The following ANO4 variants were observed in gnomAD, a reference collection of about 807,000 sequenced individuals.
The protein encoded by ANO4 is anoctamin-4.
Under a neutral mutation model 141.9 loss-of-function variants are expected in ANO4, and 69 were observed. The ratio of observed to expected loss-of-function variants is 0.49; its 90% CI spans 0.40 to 0.59. ANO4 has a LOEUF of 0.59. Ranked by LOEUF, ANO4 falls within the 20% of genes least tolerant of loss-of-function variation. The pLI, the probability that ANO4 is intolerant of heterozygous loss-of-function variation, is 0.00. For missense variants in ANO4, 894 were observed against 1,162.2 expected, an observed-to-expected ratio of 0.77 and a Z score of 3.36; for synonymous variants, 350 against 394.3, an observed-to-expected ratio of 0.89 and a Z score of 1.33.
intron 9 of ANO4, among the ~76,000 whole-genome samples, chr12:101,028,610 T>C (rs930154736): frequency 3.9e-5 from 6 of 152,102 alleles, no homozygotes; most frequent in East Asian, 1.9e-4. Context: ...AAATAAGGCA[T>C]GCAGACAAGA....
intron 1 of ANO4, among the ~76,000 whole-genome samples, chr12:100,885,712 G>C (rs1402901353): frequency 6.6e-6 from 1 of 152,168 alleles, no homozygotes; most frequent in Non-Finnish European, 1.5e-5. Context: ...GCTAACCATT[G>C]TTGCTGTGAA....
chr12:100,957,826 C>A (rs944305139), intron 5 of ANO4, among the ~76,000 whole-genome samples: 15 of 152,218 alleles, frequency 9.9e-5, no homozygotes, highest in Admixed American at 9.2e-4. Context: ...ATTACCCCAT[C>A]TCAGGTATTC....
intron 14 of ANO4, chr12:101,069,087 C>A: frequency 9.3e-7 from 1 of 1,076,464 alleles, no homozygotes; most frequent in Non-Finnish European, 1.4e-6. Context: ...CTTTCCAAAT[C>A]TGCAAAGGAA....
chr12:100,971,623 G>C (rs1010647331), intron 6 of ANO4, among the ~76,000 whole-genome samples: 2 of 152,188 alleles, frequency 1.3e-5, no homozygotes, highest in Non-Finnish European at 1.5e-5. Flanking sequence ...TTAGCAGGTA[G>C]ATATTTCCAG....
intron 8 of ANO4, among the ~76,000 whole-genome samples, chr12:101,004,454 G>T (rs1363810380): frequency 6.6e-6 from 1 of 152,152 alleles, no homozygotes. Flanking sequence ...GAGGATCATT[G>T]CTGACAGGAA....
chr12:100,944,788 ATAAT>A (rs1487749557), intron 5 of ANO4, among the ~76,000 whole-genome samples: 9 of 152,228 alleles, frequency 5.9e-5, no homozygotes, highest in Non-Finnish European at 1.3e-4. Flanking sequence ...CCTGCCATAA[ATAAT>A]TAAAAGAAAA....
chr12:101,007,714 A>G (rs1023180114), intron 8 of ANO4, among the ~76,000 whole-genome samples: 1 of 152,156 alleles, frequency 6.6e-6, no homozygotes, highest in Non-Finnish European at 1.5e-5. Flanking sequence ...CCCAGAACTC[A>G]GAGTTTTGTT....
intron 3 of ANO4, among the ~76,000 whole-genome samples, chr12:100,751,533 A>G (rs2032378306): frequency 6.6e-6 from 1 of 152,112 alleles, no homozygotes; most frequent in Non-Finnish European, 1.5e-5. Context: ...TTTTTCAGGC[A>G]AATAAGGATA....
At chr12:100,805,325 C>T (rs1007965096) in intron 1 of ANO4, among the ~76,000 whole-genome samples, 1 of 152,068 alleles carries the variant, frequency 6.6e-6, no homozygotes, top group African/African-American at 2.4e-5. Flanking sequence ...GTTTTTGTAC[C>T]AGTACCATGC....
chr12:100,973,811 C>T (rs922047952), intron 6 of ANO4, among the ~76,000 whole-genome samples: 1 of 152,186 alleles, frequency 6.6e-6, no homozygotes, highest in African/African-American at 2.4e-5. Flanking sequence ...CAGGATCATG[C>T]AGAGTAGCTG....
chr12:101,086,079 G>GGTGT (rs1491092389), intron 16 of ANO4, among the ~76,000 whole-genome samples: 5 of 72,950 alleles, frequency 6.9e-5, no homozygotes, highest in Non-Finnish European at 1.7e-4. Context: ...TGTTAACTAG[G>GGTGT]CTGTGTGTGT....
intron 1 of ANO4, among the ~76,000 whole-genome samples, chr12:100,831,276 C>G (rs928565532): frequency 9.2e-5 from 14 of 152,114 alleles, no homozygotes; most frequent in Non-Finnish European, 1.5e-4. Context: ...TATGTTGACA[C>G]TTGCGTATTG....
intron 9 of ANO4, among the ~76,000 whole-genome samples, chr12:101,027,409 G>C (rs1330505956): frequency 2.0e-5 from 3 of 152,168 alleles, no homozygotes; most frequent in African/African-American, 7.2e-5. Flanking sequence ...TGAGCTCCTT[G>C]GGGGAGGGGC....
At chr12:100,774,588 A>C (rs574748253) in intron 3 of ANO4, among the ~76,000 whole-genome samples, 1 of 152,236 alleles carries the variant, frequency 6.6e-6, no homozygotes, top group Admixed American at 6.5e-5. Context: ...TAGAGCACAC[A>C]TCATTCTTTA....
At chr12:100,904,719 A>C (rs1185122262) in intron 2 of ANO4, among the ~76,000 whole-genome samples, 3 of 152,208 alleles carry the variant, frequency 2.0e-5, no homozygotes, top group Admixed American at 6.5e-5. Flanking sequence ...CCTATGTGAA[A>C]GGAAGCTCTT....
intron 14 of ANO4, among the ~76,000 whole-genome samples, chr12:101,061,080 G>A (rs1179360786): frequency 2.6e-5 from 4 of 152,140 alleles, no homozygotes; most frequent in African/African-American, 7.2e-5. Context: ...GCCTGGTGGT[G>A]ACAAAATCTC....
chr12:100,985,109 G>A (rs904991572), intron 7 of ANO4, among the ~76,000 whole-genome samples: 2 of 152,178 alleles, frequency 1.3e-5, no homozygotes, highest in African/African-American at 4.8e-5. Flanking sequence ...TGGGCCAATG[G>A]CCTCTTTCTT....
At chr12:101,022,153 T>C (rs1369276135) in intron 9 of ANO4, among the ~76,000 whole-genome samples, 3 of 152,104 alleles carry the variant, frequency 2.0e-5, no homozygotes, top group Non-Finnish European at 4.4e-5. Context: ...TGGAATATTA[T>C]GTTTTGTGAG....
chr12:101,040,609 T>A (rs183278289), intron 11 of ANO4, among the ~76,000 whole-genome samples: 25 of 152,282 alleles, frequency 1.6e-4, no homozygotes, highest in Admixed American at 5.9e-4. Flanking sequence ...TGTATGTTTT[T>A]TTATTATTAT....
Sources: gnomAD v4.1 joint callset for allele counts (sites outside exome capture counted in the v4.1 genomes callset) on GRCh38, gnomAD v4.1.1 for gene constraint, MANE v1.5 for transcripts, NCBI Gene and HGNC (gene_info 2026-07-23, HGNC 2026-07-21) for gene names.